The following TRAF1 variants were observed in gnomAD, a reference collection of about 807,000 sequenced individuals.
The protein encoded by TRAF1 is TNF receptor associated factor 1.
Under a neutral mutation model 40.9 loss-of-function variants are expected in TRAF1, and 23 were observed. The observed-to-expected ratio is 0.56, with a 90% confidence interval of 0.40 to 0.80. TRAF1 has a LOEUF of 0.80. Among genes scored for constraint, TRAF1 ranks in the 30% least tolerant of loss-of-function variants. TRAF1 has a pLI of 0.00. For synonymous variants in TRAF1, 206 were observed against 218.8 expected (o/e 0.94, Z 0.52); for missense variants, 477 against 528.7 (o/e 0.90, Z 0.96).
In TRAF1 at chr9:120,903,520, A is replaced by C. The variant is rs1457159617; in HGVS notation, c.*1500T>G. ...GCTACTGACCCATTTTTATAGAAGC[A>C]ACCCTAACGATTTGAGCAATGGAGT... On this transcript the variant is annotated 3_prime_UTR_variant, in exon 8 of 8. Coordinates refer to ENST00000373887, the MANE Select transcript of TRAF1 (RefSeq NM_005658.5). 6.6e-6 allele frequency: 1 copy of C among 152,408 alleles called. No individual in the cohort carries two copies. Among genetic ancestry groups the C allele is most frequent in the Non-Finnish European group, 1.5e-5 (1 of 68,182 alleles). 9.4% of individuals were successfully genotyped at this position (152,408 alleles called of 1,614,324 possible). A position where few individuals can be genotyped will look rare whatever the true frequency, so the allele number is the denominator to read the frequency against.
chr9:120,902,919 T>G lies in TRAF1; in HGVS notation c.*2101A>C, dbSNP rs1214238429. The G allele has an allele frequency of 6.6e-6, 1 of 152,252 alleles. No individual in the cohort carries two copies. The highest frequency in any genetic ancestry group is 6.5e-5 in the Admixed American group (1 of 15,280). 9.4% of individuals were successfully genotyped at this position (152,252 alleles called of 1,614,324 possible). On this transcript the variant is annotated 3_prime_UTR_variant, in exon 8 of 8. Transcript: ENST00000373887. ...AATGAAGCTTTGCTGAAAGAATGGC[T>G]GCATCTCATGCTCTTTGAAGAGAGT...
intron 3 of TRAF1, among the ~76,000 whole-genome samples, chr9:120,918,114 C>T (rs1005170531): frequency 6.6e-6 from 1 of 152,096 alleles, no homozygotes; most frequent in African/African-American, 2.4e-5. Context: ...TCGCCAATAC[C>T]GTGCCTTGAA....
chr9:120,920,716 G>C (rs1451320035), intron 3 of TRAF1, among the ~76,000 whole-genome samples: 1 of 152,176 alleles, frequency 6.6e-6, no homozygotes, highest in East Asian at 1.9e-4. Context: ...TCAGTCCATG[G>C]CTCTGGGCAC....
intron 7 of TRAF1, among the ~76,000 whole-genome samples, chr9:120,907,075 T>C (rs1013950255): frequency 2.0e-5 from 3 of 152,156 alleles, no homozygotes; most frequent in Admixed American, 1.3e-4. Flanking sequence ...TCGTTATGGC[T>C]GGCCTCGAAC....
Position 120,903,905 on chromosome 9 carries a change from G to C in TRAF1, c.*1115C>G, listed in dbSNP as rs990692506. 1 of 152,230 alleles carries C rather than the reference G, an allele frequency of 6.6e-6. No individual in the cohort carries two copies. The highest frequency in any genetic ancestry group is 1.5e-5 in the Non-Finnish European group (1 of 68,056). The allele number at this position is 152,230 out of a possible 1,614,324, so 9.4% of individuals were successfully genotyped here. A position where few individuals can be genotyped will look rare whatever the true frequency, so the allele number is the denominator to read the frequency against. The stretch of plus-strand genomic sequence containing the variant: ...TGGCACCACCTCAAACTCAGCAATG[G>C]CCTTTTCAAACCTGGCTCAGTACAA... On this transcript the variant is annotated 3_prime_UTR_variant, in exon 8 of 8. Coordinates refer to ENST00000373887, the MANE Select transcript of TRAF1 (RefSeq NM_005658.5).
intron 3 of TRAF1, among the ~76,000 whole-genome samples, chr9:120,922,503 T>C (rs1269766232): frequency 6.6e-6 from 1 of 152,214 alleles, no homozygotes; most frequent in African/African-American, 2.4e-5. Context: ...CAGTTCTGGA[T>C]AGCATGTGGG....
chr9:120,929,031 G>C (rs1165272171), upstream of TRAF1: 1 of 152,260 alleles, frequency 6.6e-6, no homozygotes, highest in African/African-American at 2.4e-5. This position sits in a 1 kb window ranked among gnomAD's most constrained non-coding sequence, Gnocchi z 4.5. Flanking sequence ...CAGCAAGCGG[G>C]AGCTGGAGCG....
Position 120,904,724 on chromosome 9 carries a change from G to A in TRAF1, c.*296C>T. On this transcript the variant is annotated 3_prime_UTR_variant, in exon 8 of 8. Transcript: ENST00000373887. ...TCCATTTTCTTCTCATTTGGTGAGAGTCCACCTCAACATTCGGGGCCGGAG... is the reference window on the plus strand; with the variant it reads ...TCCATTTTCTTCTCATTTGGTGAGAATCCACCTCAACATTCGGGGCCGGAG... 2.4e-6 allele frequency: 1 copy of A among 421,536 alleles called. No individual in the cohort carries two copies. Among genetic ancestry groups the A allele is most frequent in the Non-Finnish European group, 4.4e-6 (1 of 229,144 alleles). 26.1% of individuals were successfully genotyped at this position (421,536 alleles called of 1,614,324 possible).
intron 3 of TRAF1, among the ~76,000 whole-genome samples, chr9:120,923,464 G>A (rs951787252): frequency 1.4e-4 from 21 of 152,220 alleles, no homozygotes; most frequent in Non-Finnish European, 2.4e-4. Context: ...CCCATGAACC[G>A]TAGTTTGTGG....
Position 120,909,227 on chromosome 9 carries a change from T to TA in TRAF1, c.1032+2dup. 6.2e-7 allele frequency: 1 copy of TA among 1,613,582 alleles called. No homozygotes were observed. Among genetic ancestry groups the TA allele is most frequent in the Non-Finnish European group, 8.5e-7 (1 of 1,179,890 alleles). ...CTTACCCCCATCACCTTCACACCCA[T>TA]ACCTTGTTCCGGAAGGGCCACGGCA... On this transcript the variant is annotated splice_region_variant and intron_variant, in intron 7 of 7. Coordinates refer to ENST00000373887, the MANE Select transcript of TRAF1 (RefSeq NM_005658.5).
intron 4 of TRAF1, 38 bp downstream of exon 4, chr9:120,914,197 T>C (rs775417313): frequency 1.4e-6 from 2 of 1,474,244 alleles, no homozygotes; most frequent in East Asian, 2.4e-5. Context: ...TCTGGAACCA[T>C]AGTGGATAGA....
At chr9:120,919,870 A>T (rs966938988) in intron 3 of TRAF1, among the ~76,000 whole-genome samples, 1 of 152,192 alleles carries the variant, frequency 6.6e-6, no homozygotes, top group African/African-American at 2.4e-5. Context: ...CCTTGTGTAG[A>T]GGCAGCATAG....
chr9:120,913,961 G>A (rs1262300408), intron 4 of TRAF1, among the ~76,000 whole-genome samples: 1 of 152,220 alleles, frequency 6.6e-6, no homozygotes, highest in African/African-American at 2.4e-5. Context: ...GCCCTGGAGT[G>A]CAAGGATGAT....
Position 120,903,453 on chromosome 9 carries a change from C to A in TRAF1, c.*1567G>T, listed in dbSNP as rs2046455014. ...GCCGTGCCACGATGCTCCGTCACCT[C>A]CTTTGATCCTCCTGTATGCTGGGCT... is the stretch of plus-strand genomic sequence containing the variant. On this transcript the variant is annotated 3_prime_UTR_variant, in exon 8 of 8. Transcript: ENST00000373887. 1 of 152,372 alleles carries A rather than the reference C, an allele frequency of 6.6e-6. No homozygotes were observed. Among genetic ancestry groups the A allele is most frequent in the East Asian group, 1.9e-4 (1 of 5,202 alleles). The allele number at this position is 152,372 out of a possible 1,614,324, so 9.4% of individuals were successfully genotyped here. A position where few individuals can be genotyped will look rare whatever the true frequency, so the allele number is the denominator to read the frequency against.
rs372782003 is a variant in TRAF1, at chr9:120,905,253, T to C, written c.1033-15A>G. On this transcript the variant is annotated splice_polypyrimidine_tract_variant and intron_variant, in intron 7 of 7. Transcript: ENST00000373887. ...ATGAAGGTGACCTGCAGGGAAGGGA[T>C]AGGTGGGAGATCAGGCCCTACAGCA... 86 of 1,592,524 alleles carry C rather than the reference T, an allele frequency of 5.4e-5. No individual in the cohort carries two copies. The highest frequency in any genetic ancestry group is 6.6e-5 in the Non-Finnish European group (77 of 1,169,312).
chr9:120,911,631 GGTGTGC>G, intron 5 of TRAF1, 118 bp from the exon 6 acceptor site: 1 of 1,208,674 alleles, frequency 8.3e-7, no homozygotes, highest in Non-Finnish European at 1.2e-6. Context: ...GCCTCACTCA[GGTGTGC>G]GTCTGCATCT....
Position 120,904,346 on chromosome 9 carries a change from G to C in TRAF1, c.*674C>G, listed in dbSNP as rs1372620058. The C allele has an allele frequency of 6.6e-6, 1 of 152,546 alleles. No individual in the cohort carries two copies. The highest frequency in any genetic ancestry group is 2.4e-5 in the African/African-American group (1 of 41,444). The allele number at this position is 152,546 out of a possible 1,614,324, so 9.4% of individuals were successfully genotyped here. ...GGGGGTTACTGAAGGTGAGTGAGGA[G>C]CTGGGAGGACAGGAAGCTCCTGAAT... On this transcript the variant is annotated 3_prime_UTR_variant, in exon 8 of 8. Coordinates refer to ENST00000373887, the MANE Select transcript of TRAF1 (RefSeq NM_005658.5).
chr9:120,918,877 C>T (rs2046586229), intron 3 of TRAF1, among the ~76,000 whole-genome samples: 2 of 152,208 alleles, frequency 1.3e-5, no homozygotes, highest in African/African-American at 4.8e-5. Flanking sequence ...AGACACTGTC[C>T]CATCAGATCC....
chr9:120,914,435 G>C, intron 3 of TRAF1, 135 bp from the exon 4 acceptor site: 1 of 1,238,160 alleles, frequency 8.1e-7, no homozygotes, highest in Non-Finnish European at 1.0e-6. Context: ...TGTTCCCTTT[G>C]GCTATCTCCT....
Sources: gnomAD v4.1 joint callset for allele counts (sites outside exome capture counted in the v4.1 genomes callset) on GRCh38, gnomAD v4.1.1 for gene constraint, Gnocchi (gnomAD v3.1) non-coding constraint, MANE v1.5 for transcripts, NCBI Gene and HGNC (gene_info 2026-07-23, HGNC 2026-07-21) for gene names.